CSMD3: variants seen among roughly 807,000 people sequenced by gnomAD.
The protein encoded by CSMD3 is CUB and Sushi multiple domains 3, also known as CUB and sushi domain-containing protein 3.
Under a neutral mutation model 435.2 loss-of-function variants are expected in CSMD3, and 177 were observed. That is an observed-to-expected ratio of 0.41 (90% confidence interval 0.36 to 0.46). The LOEUF (loss-of-function observed/expected upper bound fraction) is 0.46, where lower values mean the gene tolerates loss of function less well. Among genes scored for constraint, CSMD3 ranks in the 20% least tolerant of loss-of-function variants. The pLI is 0.34. For synonymous variants in CSMD3, 1,656 were observed against 1,520.5 expected (o/e 1.09, Z -2.07); for missense variants, 4,265 against 4,504.6 (o/e 0.95, Z 1.52).
intron 36 of CSMD3, among the ~76,000 whole-genome samples, chr8:112,384,350 A>G (rs16883510): frequency 0.41 from 61,623 of 152,028 alleles, 13,708 homozygotes; most frequent in Middle Eastern, 0.54. Context: ...GTTGAGAAGG[A>G]AAATACTGGG....
intron 35 of CSMD3, among the ~76,000 whole-genome samples, chr8:112,399,118 C>T (rs544410844): frequency 1.4e-4 from 21 of 151,768 alleles, no homozygotes; most frequent in East Asian, 7.8e-4. Context: ...GGTTTCACCA[C>T]GCTGGCCAGG....
At chr8:112,729,648 C>G (rs949933227) in intron 13 of CSMD3, among the ~76,000 whole-genome samples, 1 of 151,946 alleles carries the variant, frequency 6.6e-6, no homozygotes, top group Admixed American at 6.6e-5. Context: ...CATGTGTCCA[C>G]AAAAGAGAGA....
intron 13 of CSMD3, among the ~76,000 whole-genome samples, chr8:112,720,090 T>C (rs1172913597): frequency 6.6e-6 from 1 of 152,176 alleles, no homozygotes; most frequent in East Asian, 1.9e-4. Flanking sequence ...AGAGCACTGA[T>C]TTTTGAATGG....
rs1055551751 is a variant in CSMD3, at chr8:112,352,569, T to C, written c.6137-35A>G. The C allele has an allele frequency of 2.6e-6, 4 of 1,563,990 alleles. No individual in the cohort carries two copies. In the African/African-American group the frequency reaches 5.4e-5, roughly 21 times the overall value. ...TTTAATGATAACAATTTAAGTAACT[T>C]TCAAGTGATAAATGCTTAAGTTATG... On this transcript the variant is annotated intron_variant, in intron 38 of 70. Transcript: ENST00000297405.
chr8:112,429,063 A>G (rs148566544), intron 32 of CSMD3, among the ~76,000 whole-genome samples: 2 of 151,854 alleles, frequency 1.3e-5, no homozygotes, highest in East Asian at 3.9e-4. Flanking sequence ...TTTTACAACC[A>G]CTCTCAGAAT....
intron 5 of CSMD3, among the ~76,000 whole-genome samples, chr8:113,050,421 T>G (rs1466010167): frequency 2.0e-5 from 3 of 152,072 alleles, no homozygotes; most frequent in Admixed American, 1.3e-4. Flanking sequence ...AAATAAATTA[T>G]GGATGATTGG....
rs34026940 is a variant in CSMD3, at chr8:113,339,512, C to T, written c.179-24719G>A. ...TTTTGATCTTAGAACATCATACAAA[C>T]GTTTACTGCTAAAGTGTCTACCTCT... is the stretch of plus-strand genomic sequence containing the variant. On this transcript the variant is annotated intron_variant, in intron 1 of 70. Transcript: ENST00000297405. Among the ~76,000 whole-genome samples the T allele has an allele frequency of 6.6e-3, 1,010 of 152,034 alleles. 8 individuals are homozygous for T. The highest frequency in any genetic ancestry group is 0.011 in the Non-Finnish European group (760 of 67,860).
chr8:112,777,078 C>A (rs1037808026), intron 13 of CSMD3, among the ~76,000 whole-genome samples: 2 of 151,756 alleles, frequency 1.3e-5, no homozygotes, highest in South Asian at 4.2e-4. Context: ...GGTTATGCAT[C>A]ATTTGTGACC....
intron 1 of CSMD3, among the ~76,000 whole-genome samples, chr8:113,423,511 T>C (rs572410873): frequency 6.6e-6 from 1 of 152,106 alleles, no homozygotes; most frequent in East Asian, 1.9e-4. Context: ...AAAAACAAAG[T>C]GAGTTGAAAG....
intron 3 of CSMD3, among the ~76,000 whole-genome samples, chr8:113,249,515 AT>A (rs914549629): frequency 6.6e-6 from 1 of 152,024 alleles, no homozygotes; most frequent in Non-Finnish European, 1.5e-5. Flanking sequence ...TAAGGAATCA[AT>A]TTTTTATTGT....
chr8:113,243,643 A>G (rs1215162907), intron 3 of CSMD3, among the ~76,000 whole-genome samples: 2 of 152,088 alleles, frequency 1.3e-5, no homozygotes, highest in East Asian at 1.9e-4. Flanking sequence ...TAGAATTGCT[A>G]GATTATATGG....
intron 24 of CSMD3, among the ~76,000 whole-genome samples, chr8:112,571,122 C>G (rs548953973): frequency 7.9e-5 from 12 of 152,224 alleles, no homozygotes; most frequent in African/African-American, 2.6e-4. Flanking sequence ...GTTCTCCTGC[C>G]TCACCCTCCC....
chr8:112,612,085 T>C (rs896177751), intron 22 of CSMD3, among the ~76,000 whole-genome samples: 3 of 152,138 alleles, frequency 2.0e-5, no homozygotes, highest in Non-Finnish European at 4.4e-5. Context: ...CCTATATTAG[T>C]TGAGGAAAGC....
chr8:112,985,214 T>A (rs962434633), intron 6 of CSMD3, among the ~76,000 whole-genome samples: 1 of 152,000 alleles, frequency 6.6e-6, no homozygotes, highest in Non-Finnish European at 1.5e-5. Flanking sequence ...TTGGCATTGA[T>A]CTTAAAGGAT....
intron 1 of CSMD3, among the ~76,000 whole-genome samples, chr8:113,414,043 T>C (rs545355755): frequency 1.6e-4 from 24 of 152,184 alleles, no homozygotes; most frequent in Non-Finnish European, 2.6e-4. Context: ...CATGAACATA[T>C]AGAATCAAGA....
At position 112,314,470 on chromosome 8, in the gene CSMD3, A is replaced by G. The variant is rs1822273161; in HGVS notation, c.7508T>C (p.Phe2503Ser). Residue 2503 changes from phenylalanine to serine, a missense_variant, in exon 48 of 71, where the codon TTC becomes TCC. Transcript: ENST00000297405. ...AACATCAAATTCCTTTTCTGTCTGG[A>G]AGAATTCTACAAACATGGTGATATT... is the stretch of plus-strand genomic sequence containing the variant. ...GYNITMFVEF[F>S]QTEKEFDVLQ... 6.2e-7 allele frequency: 1 copy of G among 1,612,400 alleles called. No homozygotes were observed. The highest frequency in any genetic ancestry group is 1.1e-5 in the South Asian group (1 of 91,068).
intron 58 of CSMD3, among the ~76,000 whole-genome samples, chr8:112,284,144 G>A (rs193281456): frequency 3.9e-5 from 6 of 151,918 alleles, no homozygotes; most frequent in African/African-American, 1.2e-4. Flanking sequence ...AACTTTGCTT[G>A]TGTTCACACC....
rs1305102121 is a variant in CSMD3 at position 112,472,625 on chromosome 8, A to G, written c.5361T>C (p.Asn1787=). The change falls in exon 32 of 71, where the codon AAT becomes AAC. Residue 1787 remains asparagine, a synonymous_variant. Transcript: ENST00000297405. ...TTGGAACTGCTATAGAATAAACACA[A>G]TTATGTCCCACACTGTAATTTTTTG... ...NYPKNYSVGH[N]CVYSIAVPKE... is the part of the protein sequence containing the mutation. 26 of 1,606,320 alleles carry G rather than the reference A, an allele frequency of 1.6e-5. No individual in the cohort carries two copies. The East Asian group carries it at 5.6e-4, about 35-fold the overall frequency.
In CSMD3 at chr8:112,482,559, G is replaced by A. The variant is rs1216522714; in HGVS notation, c.5279-9852C>T. On this transcript the variant is annotated intron_variant, in intron 31 of 70. Transcript: ENST00000297405. ...TGTTGTCACTACCCCCAAGTTCCTG[G>A]AAACAGCTAACTTTTTAGGAAACTG... 2.6e-5 allele frequency among the ~76,000 whole-genome samples: 4 copies of A among 152,204 alleles called. No individual in the cohort carries two copies. In the East Asian group the frequency reaches 7.7e-4, roughly 29 times the overall value.
Sources: gnomAD v4.1 joint callset for allele counts (sites outside exome capture counted in the v4.1 genomes callset) on GRCh38, gnomAD v4.1.1 for gene constraint, MANE v1.5 for transcripts, NCBI Gene and HGNC (gene_info 2026-07-23, HGNC 2026-07-21) for gene names.